SIRPG: variants seen among roughly 807,000 people sequenced by gnomAD.
SIRPG encodes the protein signal-regulatory protein gamma.
Under a neutral mutation model 35.7 loss-of-function variants are expected in SIRPG, and 38 were observed. The ratio of observed to expected loss-of-function variants is 1.06; its 90% CI spans 0.82 to 1.40. The LOEUF is 1.40. Among genes scored for constraint, SIRPG ranks in the 40% most tolerant of loss-of-function variants. The pLI is 0.00. For missense variants in SIRPG, 519 were observed against 483.0 expected, an observed-to-expected ratio of 1.07 and a Z score of -0.70; for synonymous variants, 215 against 190.4, an observed-to-expected ratio of 1.13 and a Z score of -1.06.
chr20:1,655,846 TAGAA>T (rs921639519), intron 1 of SIRPG, among the ~76,000 whole-genome samples: 1 of 151,912 alleles, frequency 6.6e-6, no homozygotes, highest in African/African-American at 2.4e-5. Context: ...TCACTGAAAA[TAGAA>T]AGAGAACCAA....
chr20:1,635,454 C>A lies in SIRPG; in HGVS notation c.894G>T (p.Ser298=). The A allele has an allele frequency of 6.2e-7, 1 of 1,614,070 alleles. No individual in the cohort carries two copies. Among genetic ancestry groups the A allele is most frequent in the Non-Finnish European group, 8.5e-7 (1 of 1,179,996 alleles). ...NGNVCQRETA[S]TLTENKDGTY... is the part of the protein sequence containing the mutation. Reference sequence around the variant, plus strand: ...TACCATCCTTGTTCTCTGTAAGGGTCGAGGCTGTTTCTCTCTGGCACACGT... The same window carrying A: ...TACCATCCTTGTTCTCTGTAAGGGTAGAGGCTGTTTCTCTCTGGCACACGT... The change falls in exon 4 of 6, where the codon TCG becomes TCT. Residue 298 remains serine, a synonymous_variant. Coordinates refer to ENST00000303415, the MANE Select transcript of SIRPG (RefSeq NM_018556.4).
upstream of SIRPG, among the ~76,000 whole-genome samples, chr20:1,662,384 T>C (rs1050191086): frequency 4.6e-5 from 7 of 152,158 alleles, no homozygotes; most frequent in African/African-American, 1.7e-4. Context: ...AGAGTGAATA[T>C]AGGAGAAATA....
intron 4 of SIRPG, 33 bp from the exon 5 acceptor site, chr20:1,630,339 G>C (rs2091740170): frequency 1.3e-6 from 2 of 1,520,088 alleles, no homozygotes; most frequent in Admixed American, 2.0e-5. Flanking sequence ...GGCTATGAGA[G>C]AGACCACTTG....
At chr20:1,658,584 T>C (rs1309717073), upstream of SIRPG, among the ~76,000 whole-genome samples, 1 of 152,144 alleles carries the variant, frequency 6.6e-6, no homozygotes, top group East Asian at 1.9e-4. Flanking sequence ...CAAGAGTGTG[T>C]GCCAAGGAGT....
At chr20:1,662,489 T>C (rs1568743906), upstream of SIRPG, among the ~76,000 whole-genome samples, 1 of 152,198 alleles carries the variant, frequency 6.6e-6, no homozygotes, top group Non-Finnish European at 1.5e-5. Context: ...ATATAGTAAA[T>C]ATGCAAGACA....
the SIRPG span, among the ~76,000 whole-genome samples, chr20:1,667,160 G>A: frequency 6.6e-6 from 1 of 152,184 alleles, no homozygotes; most frequent in Non-Finnish European, 1.5e-5. Flanking sequence ...GCCTCTCAAA[G>A]TGCTGGGATT....
At chr20:1,671,806 A>G in the SIRPG span, among the ~76,000 whole-genome samples, 1 of 152,352 alleles carries the variant, frequency 6.6e-6, no homozygotes, top group East Asian at 1.9e-4. Context: ...CATGTCCTTA[A>G]GGCACAGATC....
At chr20:1,648,505 G>A (rs1456209162) in intron 2 of SIRPG, 1 of 152,104 alleles carries the variant, frequency 6.6e-6, no homozygotes, top group Non-Finnish European at 1.5e-5. Context: ...TCATTAGAAT[G>A]GAAGAGAATG....
intron 1 of SIRPG, 129 bp downstream of exon 1, chr20:1,657,513 T>C: frequency 1.1e-6 from 1 of 899,108 alleles, no homozygotes; most frequent in Non-Finnish European, 1.8e-6. Context: ...GATCTTCTGC[T>C]CTTGGACAAT....
At chr20:1,651,796 A>C (rs1009003246) in intron 1 of SIRPG, among the ~76,000 whole-genome samples, 4 of 151,974 alleles carry the variant, frequency 2.6e-5, no homozygotes, top group Non-Finnish European at 1.5e-5. Context: ...GAGTGCTGCC[A>C]AGACTCTCTA....
At position 1,649,079 on chromosome 20, in the gene SIRPG, C is replaced by T; in HGVS notation, c.403G>A (p.Gly135Arg). Residue 135 changes from glycine to arginine, a missense_variant, in exon 2 of 6, where the codon GGA becomes AGA. By Grantham distance (125) the Gly-to-Arg change is moderately radical (BLOSUM62 -2). Coordinates refer to ENST00000303415, the MANE Select transcript of SIRPG (RefSeq NM_018556.4). ...CCCAAAGCCATCTCAGTGCCTGGTCCAGACTTAAACTCCACGTTCTCAGGG... is the reference window on the plus strand; with the variant it reads ...CCCAAAGCCATCTCAGTGCCTGGTCTAGACTTAAACTCCACGTTCTCAGGG... ...GSPENVEFKS[G>R]PGTEMALGAK... 6.2e-7 allele frequency: 1 copy of T among 1,613,894 alleles called. No individual in the cohort carries two copies. The highest frequency in any genetic ancestry group is 8.5e-7 in the Non-Finnish European group (1 of 1,179,838).
chr20:1,672,772 C>T, the SIRPG span, among the ~76,000 whole-genome samples: 2 of 151,800 alleles, frequency 1.3e-5, no homozygotes. Flanking sequence ...GTTAGCAGGC[C>T]TAATTTGTGC....
At chr20:1,643,797 G>T (rs1263105018) in intron 2 of SIRPG, among the ~76,000 whole-genome samples, 2 of 152,144 alleles carry the variant, frequency 1.3e-5, no homozygotes, top group Non-Finnish European at 2.9e-5. Context: ...CCTTCTGTTT[G>T]TTTTTCTTTC....
In SIRPG at chr20:1,636,178, G is replaced by T. The variant is rs548100703; in HGVS notation, c.748+10C>A. ...GGTGTGGGCTTGGGCTGGGTGTGAGGGTCCTCTACCTCGGATGGCCTCAGA... is the reference window on the plus strand; with the variant it reads ...GGTGTGGGCTTGGGCTGGGTGTGAGTGTCCTCTACCTCGGATGGCCTCAGA... On this transcript the variant is annotated intron_variant, in intron 3 of 5. Transcript: ENST00000303415. 3.1e-6 allele frequency: 5 copies of T among 1,613,716 alleles called. No homozygotes were observed. The highest frequency in any genetic ancestry group is 3.4e-6 in the Non-Finnish European group (4 of 1,179,914).
chr20:1,630,441 T>C (rs747473546), intron 4 of SIRPG, 135 bp from the exon 5 acceptor site: 103 of 655,454 alleles, frequency 1.6e-4, no homozygotes, highest in Non-Finnish European at 2.3e-4. Flanking sequence ...GCCCAGGCTA[T>C]CTTCACTCCA....
At chr20:1,630,334 T>C in intron 4 of SIRPG, 28 bp from the exon 5 acceptor site, 1 of 1,528,434 alleles carries the variant, frequency 6.5e-7, no homozygotes, top group Non-Finnish European at 8.9e-7. Context: ...CGAGGGGCTA[T>C]GAGAGAGACC....
intron 2 of SIRPG, 66 bp from the exon 3 acceptor site, chr20:1,636,571 G>GAC (rs2091805057): frequency 6.6e-7 from 1 of 1,512,552 alleles, no homozygotes; most frequent in Non-Finnish European, 9.2e-7. Flanking sequence ...ATGAGTGTGT[G>GAC]ACACTGTTAA....
intron 4 of SIRPG, 117 bp downstream of exon 4, chr20:1,635,150 C>A (rs905986541): frequency 6.4e-6 from 5 of 781,606 alleles, no homozygotes; most frequent in African/African-American, 3.5e-5. Context: ...GGGGATGGAG[C>A]TGACATTAAA....
the SIRPG span, among the ~76,000 whole-genome samples, chr20:1,686,433 C>T: frequency 2.6e-5 from 4 of 152,170 alleles, no homozygotes; most frequent in African/African-American, 9.7e-5. Flanking sequence ...CTGCTCCGTC[C>T]AAATATCTGT....
Sources: allele counts gnomAD v4.1 joint callset (sites outside exome capture counted in the v4.1 genomes callset), GRCh38; gene constraint gnomAD v4.1.1; transcripts MANE v1.5; gene names NCBI Gene and HGNC (gene_info 2026-07-23, HGNC 2026-07-21).